The following NR5A2 variants were observed in gnomAD, a reference collection of about 807,000 sequenced individuals.
NR5A2 encodes nuclear receptor subfamily 5 group A member 2, also known as CYP7A promoter-binding factor.
In NR5A2, 26 loss-of-function variants were observed where a neutral mutation model predicts 62.7. The ratio of observed to expected loss-of-function variants is 0.41; its 90% confidence interval spans 0.30 to 0.58. The LOEUF is 0.58. NR5A2 is among the 20% of genes least tolerant of loss of function. NR5A2 has a pLI of 0.22. For synonymous variants in NR5A2, 246 were observed against 241.7 expected (o/e 1.02, Z -0.16); for missense variants, 541 against 669.1 (o/e 0.81, Z 2.11).
Position 200,039,699 on chromosome 1 carries a change from C to T in NR5A2, c.106C>T (p.Arg36Cys). Residue 36 changes from arginine to cysteine, a missense_variant, in exon 2 of 8, where the codon CGC becomes TGC. Arg to Cys is a radical substitution (Grantham distance 180). Coordinates refer to ENST00000367362, the MANE Select transcript of NR5A2 (RefSeq NM_205860.3). This position sits in a 1 kb window ranked among gnomAD's most constrained non-coding sequence, Gnocchi z 5.1. ...CCGACACGGATCCCCCATCCCCGCCCGCGGTCGCCTTGTCATGCTGCCCAA... is the reference window on the plus strand; with the variant it reads ...CCGACACGGATCCCCCATCCCCGCCTGCGGTCGCCTTGTCATGCTGCCCAA... ...PDRHGSPIPA[R>C]GRLVMLPKVE... The T allele has an allele frequency of 6.2e-7, 1 of 1,611,302 alleles. No homozygotes were observed. The highest frequency in any genetic ancestry group is 8.5e-7 in the Non-Finnish European group (1 of 1,178,834).
chr1:200,104,007 A>G lies in NR5A2; in HGVS notation c.1111-7195A>G, dbSNP rs150602090. Among the ~76,000 whole-genome samples the G allele has an allele frequency of 5.8e-4, 89 of 152,318 alleles. 2 individuals carry two copies. Among genetic ancestry groups the G allele is most frequent in the Non-Finnish European group, 1.0e-3 (71 of 68,026 alleles). ...ATGAAAACTGGGGTTTGGTGGGAATAGAAAAGAGAGAGTCCAGATCTGGCA... is the reference window on the plus strand; with the variant it reads ...ATGAAAACTGGGGTTTGGTGGGAATGGAAAAGAGAGAGTCCAGATCTGGCA... On this transcript the variant is annotated intron_variant, in intron 5 of 7. Transcript: ENST00000367362.
chr1:200,064,604 G>A (rs1663384917), intron 5 of NR5A2, among the ~76,000 whole-genome samples: 2 of 152,136 alleles, frequency 1.3e-5, no homozygotes, highest in Non-Finnish European at 1.5e-5. Flanking sequence ...TCAAAGCAAA[G>A]GGGAGCCACT....
chr1:200,126,583 A>G (rs1438632844), intron 7 of NR5A2, among the ~76,000 whole-genome samples: 1 of 152,218 alleles, frequency 6.6e-6, no homozygotes, highest in African/African-American at 2.4e-5. Flanking sequence ...TTGAAGAAAG[A>G]GAGACTAGAA....
chr1:200,111,728 A>T (rs757873702), intron 6 of NR5A2, among the ~76,000 whole-genome samples: 69 of 152,202 alleles, frequency 4.5e-4, no homozygotes, highest in Non-Finnish European at 9.3e-4. Flanking sequence ...GGTGAACGAG[A>T]TGGATTTGGA....
At chr1:200,091,210 C>T (rs1429957939) in intron 5 of NR5A2, among the ~76,000 whole-genome samples, 1 of 152,120 alleles carries the variant, frequency 6.6e-6, no homozygotes, top group Non-Finnish European at 1.5e-5. Context: ...AGGGACTAGA[C>T]TGACTTTTAT....
intron 5 of NR5A2, among the ~76,000 whole-genome samples, chr1:200,086,381 G>A (rs2246862): frequency 0.48 from 73,049 of 151,774 alleles, 17,608 homozygotes; most frequent in Middle Eastern, 0.52. Flanking sequence ...TCAGCTCACC[G>A]CAACCTCTGC....
chr1:200,162,232 A>G (rs1653676526), intron 7 of NR5A2, among the ~76,000 whole-genome samples: 1 of 152,228 alleles, frequency 6.6e-6, no homozygotes, highest in Non-Finnish European at 1.5e-5. Context: ...GTAATACCCA[A>G]TGCCCTGCAT....
intron 7 of NR5A2, among the ~76,000 whole-genome samples, chr1:200,160,566 A>G (rs1653596266): frequency 1.3e-5 from 2 of 152,350 alleles, no homozygotes; most frequent in East Asian, 3.9e-4. Context: ...TTGAAATCAA[A>G]TAATTAAATG....
At chr1:200,167,931 T>A (rs534755348) in intron 7 of NR5A2, among the ~76,000 whole-genome samples, 1 of 152,270 alleles carries the variant, frequency 6.6e-6, no homozygotes, top group African/African-American at 2.4e-5. Flanking sequence ...TAGCTGCCCA[T>A]CCTGTAAGGG....
intron 2 of NR5A2, among the ~76,000 whole-genome samples, chr1:200,041,564 T>C (rs1035257229): frequency 2.0e-5 from 3 of 152,130 alleles, no homozygotes; most frequent in African/African-American, 7.2e-5. Context: ...GCGCCCAACT[T>C]TGAGGGAACT....
chr1:200,121,092 G>A (rs567645663), intron 7 of NR5A2, 137 bp downstream of exon 7: 12 of 860,264 alleles, frequency 1.4e-5, no homozygotes, highest in Non-Finnish European at 1.8e-5. Context: ...ATCTTCAAAC[G>A]TGAATATATT....
rs1242316923 is a variant in NR5A2, at chr1:200,104,011, A to AAG, written c.1111-7184_1111-7183dup. 2.6e-5 allele frequency among the ~76,000 whole-genome samples: 4 copies of AAG among 152,192 alleles called. No individual in the cohort carries two copies. The South Asian group carries it at 8.3e-4, about 32-fold the overall frequency. On this transcript the variant is annotated intron_variant, in intron 5 of 7. Transcript: ENST00000367362. ...AAACTGGGGTTTGGTGGGAATAGAAAAGAGAGAGTCCAGATCTGGCAAAAG... is the reference window on the plus strand; with the variant it reads ...AAACTGGGGTTTGGTGGGAATAGAAAAGAGAGAGAGTCCAGATCTGGCAAAAG...
intron 7 of NR5A2, chr1:200,148,256 A>G: frequency 4.7e-6 from 1 of 212,828 alleles, no homozygotes; most frequent in South Asian, 1.2e-4. Flanking sequence ...AGCCGGCCAC[A>G]GCATTCCCTC....
At chr1:200,155,866 G>T (rs566430651) in intron 7 of NR5A2, among the ~76,000 whole-genome samples, 2 of 152,170 alleles carry the variant, frequency 1.3e-5, no homozygotes, top group South Asian at 4.2e-4. Context: ...TAGAGACGGG[G>T]TTCCGCCATG....
chr1:200,159,020 G>A (rs748475866), intron 7 of NR5A2, among the ~76,000 whole-genome samples: 2 of 151,136 alleles, frequency 1.3e-5, no homozygotes, highest in African/African-American at 2.4e-5. Flanking sequence ...TCAGACTCCT[G>A]AGAAGCTGCA....
chr1:200,109,925 C>T (rs1255440050), intron 5 of NR5A2, among the ~76,000 whole-genome samples: 1 of 152,008 alleles, frequency 6.6e-6, no homozygotes, highest in South Asian at 2.1e-4. Context: ...CAACGATGCC[C>T]AGCTAATTTT....
At chr1:200,116,611 T>C (rs959114212) in intron 6 of NR5A2, among the ~76,000 whole-genome samples, 1 of 152,178 alleles carries the variant, frequency 6.6e-6, no homozygotes. Context: ...GGATTCAGTG[T>C]TTCACTTAAC....
chr1:200,126,606 G>A (rs1026589672), intron 7 of NR5A2, among the ~76,000 whole-genome samples: 1 of 151,748 alleles, frequency 6.6e-6, no homozygotes, highest in Non-Finnish European at 1.5e-5. Context: ...CAGATTCTAT[G>A]GATAACTATT....
intron 5 of NR5A2, among the ~76,000 whole-genome samples, chr1:200,100,634 C>T (rs549596082): frequency 6.6e-6 from 1 of 152,316 alleles, no homozygotes; most frequent in South Asian, 2.1e-4. Context: ...ATCGTCTTGG[C>T]TCTTCTTAAC....
Sources: gnomAD v4.1 joint callset for allele counts (sites outside exome capture counted in the v4.1 genomes callset) on GRCh38, gnomAD v4.1.1 for gene constraint, Gnocchi (gnomAD v3.1) non-coding constraint, MANE v1.5 for transcripts, NCBI Gene and HGNC (gene_info 2026-07-23, HGNC 2026-07-21) for gene names.